CCP110: variants seen among roughly 807,000 people sequenced by gnomAD.
CCP110 encodes the protein centriolar coiled-coil protein 110, also known as centriolar coiled-coil protein of 110 kDa.
Under a neutral mutation model 105.5 loss-of-function variants are expected in CCP110, and 43 were observed. That is an observed-to-expected ratio of 0.41 (90% CI 0.32 to 0.53). The LOEUF is 0.53. Ranked by LOEUF, CCP110 falls within the 20% of genes least tolerant of loss-of-function variation. CCP110 has a pLI of 0.32. For synonymous variants in CCP110, 353 were observed against 392.1 expected, an observed-to-expected ratio of 0.90 and a Z score of 1.18; for missense variants, 1,016 against 1,189.1, an observed-to-expected ratio of 0.85 and a Z score of 2.14.
exon 4 of CCP110, chr16:19,536,520 A>G: frequency 1.9e-6 from 3 of 1,614,118 alleles, no homozygotes; most frequent in Middle Eastern, 3.3e-4. Context: ...ACAGGCAAAC[A>G]CTGTGTCTCA....
rs139819703 is a variant in CCP110, at chr16:19,552,641, T to C, written c.*1393T>C. Reference sequence around the variant, plus strand: ...ACCATTTCCAAAAAGGGCTTTGTGCTTTTCACATAAAATTGAGACAGTGTA... The same window carrying C: ...ACCATTTCCAAAAAGGGCTTTGTGCCTTTCACATAAAATTGAGACAGTGTA... On this transcript the variant is annotated 3_prime_UTR_variant, in exon 15 of 15. Transcript: ENST00000381396. 7 of 152,332 alleles carry C rather than the reference T, an allele frequency of 4.6e-5. No individual in the cohort carries two copies. In the East Asian group the frequency reaches 1.2e-3, roughly 25 times the overall value. 9.4% of individuals were successfully genotyped at this position (152,332 alleles called of 1,614,324 possible). A position where few individuals can be genotyped will look rare whatever the true frequency, so the allele number is the denominator to read the frequency against.
At chr16:19,529,360 A>T (rs1410167448) in intron 2 of CCP110, among the ~76,000 whole-genome samples, 1 of 152,214 alleles carries the variant, frequency 6.6e-6, no homozygotes, top group Non-Finnish European at 1.5e-5. Context: ...GTATAACAGG[A>T]GTTAAGAGAT....
chr16:19,545,211 G>T lies in CCP110; in HGVS notation c.2703+1G>T, dbSNP rs751827166. The T allele has an allele frequency of 1.3e-6, 2 of 1,515,614 alleles. No individual in the cohort carries two copies. The highest frequency in any genetic ancestry group is 1.1e-5 in the South Asian group (1 of 88,344). 93.9% of individuals were successfully genotyped at this position (1,515,614 alleles called of 1,614,324 possible). A position where few individuals can be genotyped will look rare whatever the true frequency, so the allele number is the denominator to read the frequency against. ...CAAAGAGAAAATGCTCAGGCAAATGGTATGTTATATGATTTCTAATGAATA... is the reference window on the plus strand; with the variant it reads ...CAAAGAGAAAATGCTCAGGCAAATGTTATGTTATATGATTTCTAATGAATA... On this transcript the variant is annotated splice_donor_variant, in intron 10 of 14. Transcript: ENST00000381396. LOFTEE classifies it high-confidence loss of function.
chr16:19,544,907 A>G lies in CCP110; in HGVS notation c.2586+9A>G, dbSNP rs11641635. On this transcript the variant is annotated intron_variant, in intron 9 of 14. Coordinates refer to ENST00000381396, the Ensembl canonical transcript of CCP110. ...AAAGAGTGTTAGCTCAGGTAAATACATGGATCCTGAAGGCTTTTAAGACAT... is the reference window on the plus strand; with the variant it reads ...AAAGAGTGTTAGCTCAGGTAAATACGTGGATCCTGAAGGCTTTTAAGACAT... The G allele has an allele frequency of 0.038, 54,306 of 1,413,386 alleles. 1,287 individuals carry two copies. The highest frequency in any genetic ancestry group is 0.078 in the African/African-American group (5,494 of 70,476). The allele number at this position is 1,413,386 out of a possible 1,614,324, so 87.6% of individuals were successfully genotyped here.
At chr16:19,530,948 G>A (rs1465839700) in intron 2 of CCP110, among the ~76,000 whole-genome samples, 1 of 152,008 alleles carries the variant, frequency 6.6e-6, no homozygotes, top group African/African-American at 2.4e-5. Flanking sequence ...GGAATTCTTT[G>A]GAGATGATGC....
chr16:19,549,214 G>C (rs1970556545), intron 14 of CCP110, among the ~76,000 whole-genome samples: 1 of 152,126 alleles, frequency 6.6e-6, no homozygotes, highest in African/African-American at 2.4e-5. Context: ...TATTTTTTAG[G>C]TATCTTTGTT....
At chr16:19,543,066 A>AT in intron 8 of CCP110, 72 bp downstream of exon 8, 4 of 860,152 alleles carry the variant, frequency 4.7e-6, no homozygotes, top group Non-Finnish European at 7.8e-6. Context: ...AGCTGAGCTA[A>AT]CAGATTAGTT....
At chr16:19,540,022 A>G (rs556897570) in intron 4 of CCP110, among the ~76,000 whole-genome samples, 39 of 152,028 alleles carry the variant, frequency 2.6e-4, no homozygotes, top group Admixed American at 7.9e-4. Context: ...ACCTCAAGTG[A>G]TCCACCTGCC....
At chr16:19,545,279 T>C in intron 10 of CCP110, 69 bp downstream of exon 10, 1 of 822,234 alleles carries the variant, frequency 1.2e-6, no homozygotes, top group South Asian at 1.7e-5. Flanking sequence ...AATGTCAGTT[T>C]TGGTTGACTT....
chr16:19,526,027 T>G (rs1969659686), intron 1 of CCP110: 1 of 152,490 alleles, frequency 6.6e-6, no homozygotes, highest in African/African-American at 2.4e-5. Context: ...TCTAGTAATT[T>G]GTATAATCTC....
At chr16:19,538,773 T>A (rs1164321367) in intron 4 of CCP110, among the ~76,000 whole-genome samples, 1 of 152,076 alleles carries the variant, frequency 6.6e-6, no homozygotes, top group African/African-American at 2.4e-5. Flanking sequence ...AACATCAAAT[T>A]ATTAGACAAA....
exon 6 of CCP110, chr16:19,541,900 A>G (rs772888459): frequency 4.4e-6 from 7 of 1,585,852 alleles, no homozygotes; most frequent in South Asian, 1.2e-5. Flanking sequence ...ATAGAAGAGC[A>G]GGAGAAAATG....
Position 19,536,792 on chromosome 16 carries a change from A to AT in CCP110, c.1124dup (p.Met375IlefsTer18). Reference sequence around the variant, plus strand: ...TCCAGAGCCAAGTATGAGTCCTAAAATGCACCGAAGACGTTCCAGGACATC... The same window carrying AT: ...TCCAGAGCCAAGTATGAGTCCTAAAATTGCACCGAAGACGTTCCAGGACATC... On this transcript the variant is annotated frameshift_variant, in exon 4 of 15. Transcript: ENST00000381396. LOFTEE classifies it high-confidence loss of function. 1 of 1,614,206 alleles carries AT rather than the reference A, an allele frequency of 6.2e-7. No homozygotes were observed. The highest frequency in any genetic ancestry group is 8.5e-7 in the Non-Finnish European group (1 of 1,180,038).
intron 4 of CCP110, among the ~76,000 whole-genome samples, chr16:19,539,382 T>G (rs1433308807): frequency 6.9e-6 from 1 of 144,686 alleles, no homozygotes; most frequent in East Asian, 2.1e-4. Flanking sequence ...TTTTTTTTTT[T>G]GAGACAGGGT....
intron 5 of CCP110, among the ~76,000 whole-genome samples, chr16:19,540,993 G>A (rs925472495): frequency 2.0e-5 from 3 of 152,044 alleles, no homozygotes; most frequent in African/African-American, 4.8e-5. Context: ...ATAATTTATC[G>A]AGAATATTTT....
chr16:19,547,958 C>T (rs780776264), exon 13 of CCP110: 1 of 1,607,138 alleles, frequency 6.2e-7, no homozygotes, highest in Admixed American at 1.7e-5. Flanking sequence ...TCAACAGAGT[C>T]CTTCAGCCAA....
In CCP110 at chr16:19,544,745, G is replaced by A. The variant is rs796160696; in HGVS notation, c.2485-52G>A. The A allele has an allele frequency of 8.3e-6, 8 of 959,140 alleles. No individual in the cohort carries two copies. The African/African-American group carries it at 1.2e-4, about 14-fold the overall frequency. 59.4% of individuals were successfully genotyped at this position (959,140 alleles called of 1,614,324 possible). ...GAAAAAGAAAAAAGCAAACTCCAGT[G>A]ATCACAAATCTTTCTAGAAAAATGT... On this transcript the variant is annotated intron_variant, in intron 8 of 14. Coordinates refer to ENST00000381396, the Ensembl canonical transcript of CCP110.
intron 4 of CCP110, among the ~76,000 whole-genome samples, chr16:19,538,762 T>C (rs1970172444): frequency 6.6e-6 from 1 of 152,162 alleles, no homozygotes; most frequent in South Asian, 2.1e-4. Context: ...GTAAACACTT[T>C]AACATCAAAT....
exon 15 of CCP110, chr16:19,553,167 TTTTAA>T (rs1165785770): frequency 1.3e-5 from 2 of 152,216 alleles, no homozygotes; most frequent in Admixed American, 1.3e-4. Flanking sequence ...ACTTGAGTGT[TTTTAA>T]TTTAAAGATA....
Sources: gnomAD v4.1 joint callset for allele counts (sites outside exome capture counted in the v4.1 genomes callset) on GRCh38, gnomAD v4.1.1 for gene constraint, MANE v1.5 for transcripts, NCBI Gene and HGNC (gene_info 2026-07-23, HGNC 2026-07-21) for gene names.